Variants in EFEMP2 observed in about 807,000 individuals in gnomAD.
The protein encoded by EFEMP2 is EGF-like fibulin extracellular matrix protein 2, also known as EGF-containing fibulin-like extracellular matrix protein 2.
Under a neutral mutation model 55.3 loss-of-function variants are expected in EFEMP2, and 21 were observed. The ratio of observed to expected loss-of-function variants is 0.38; its 90% CI spans 0.27 to 0.55. The LOEUF is 0.55. Among genes scored for constraint, EFEMP2 ranks in the 20% least tolerant of loss-of-function variants. EFEMP2 has a pLI of 0.77. For missense variants in EFEMP2, 513 were observed against 615.1 expected (o/e 0.83, Z 1.76); for synonymous variants, 275 against 242.3 (o/e 1.14, Z -1.25).
chr11:65,871,063 G>A (rs1308430982), intron 4 of EFEMP2, 94 bp downstream of exon 4: 2 of 1,416,196 alleles, frequency 1.4e-6, no homozygotes, highest in Non-Finnish European at 2.0e-6. Context: ...GACATCACCA[G>A]TGGCCCTTTT....
rs138210467 is a variant in EFEMP2 at position 65,867,970 on chromosome 11, C to T, written c.1061G>A (p.Arg354Gln). The change falls in exon 10 of 11, where the codon CGG becomes CAG. Residue 354 changes from arginine to glutamine, a missense_variant. Coordinates refer to ENST00000307998, the MANE Select transcript of EFEMP2 (RefSeq NM_016938.5). ...VHRYMTITSE[R>Q]SVPADVFQIQ... is the part of the protein sequence containing the mutation. ...CTGGAACACGTCAGCGGGCACGCTC[C>T]GCTCCGAGGTGATGGTCATGTAGCG... 15 of 1,613,980 alleles carry T rather than the reference C, an allele frequency of 9.3e-6. No homozygotes were observed. Among genetic ancestry groups the T allele is most frequent in the Admixed American group, 1.7e-5 (1 of 60,010 alleles).
At position 65,871,394 on chromosome 11, in the gene EFEMP2, G is replaced by A. The variant is rs2234460; in HGVS notation, c.161-31C>T. On this transcript the variant is annotated intron_variant, in intron 3 of 10. Transcript: ENST00000307998. ...GAGAGGGGCCTGCTGGGCACAGCCA[G>A]TCTCCTGGGCTGGCCCTGGAGGGAG... 1,161 of 1,609,404 alleles carry A rather than the reference G, an allele frequency of 7.2e-4. 6 individuals carry two copies. In the African/African-American group the frequency reaches 0.014, roughly 19 times the overall value.
At chr11:65,869,731 G>A (rs2134749883) in intron 7 of EFEMP2, 126 bp downstream of exon 7, 2 of 1,469,502 alleles carry the variant, frequency 1.4e-6, no homozygotes, top group Admixed American at 3.4e-5. Context: ...CGAGTACCCA[G>A]GAGGCAGCTG....
At chr11:65,870,781 A>G in intron 4 of EFEMP2, 123 bp from the exon 5 acceptor site, 2 of 1,467,520 alleles carry the variant, frequency 1.4e-6, no homozygotes, top group Non-Finnish European at 1.9e-6. Flanking sequence ...GCCTGGAGCC[A>G]TCAGGAAAGG....
In EFEMP2 at chr11:65,872,748, G is replaced by A. The variant is rs1311379981; in HGVS notation, c.-73C>T. The A allele has an allele frequency of 3.0e-6, 1 of 333,520 alleles. No homozygotes were observed. Among genetic ancestry groups the A allele is most frequent in the Non-Finnish European group, 6.1e-6 (1 of 162,858 alleles). 20.7% of individuals were successfully genotyped at this position (333,520 alleles called of 1,614,324 possible). The stretch of plus-strand genomic sequence containing the variant: ...TCGGCTGGCTCGGGCAATGCCTGCG[G>A]GCAGACGGACGGGCGGACGGCACAG... On this transcript the variant is annotated 5_prime_UTR_variant, in exon 1 of 11. Coordinates refer to ENST00000307998, the MANE Select transcript of EFEMP2 (RefSeq NM_016938.5).
intron 3 of EFEMP2, 154 bp downstream of exon 3, chr11:65,871,816 G>C: frequency 1.0e-6 from 1 of 969,138 alleles, no homozygotes; most frequent in South Asian, 1.4e-5. Context: ...CTGGCCTCCA[G>C]AGAGCCAGAG....
In EFEMP2 at chr11:65,870,103, G is replaced by T. The variant is rs571631117; in HGVS notation, c.607+18C>A. The T allele has an allele frequency of 9.9e-6, 16 of 1,613,426 alleles. No homozygotes were observed. Among genetic ancestry groups the T allele is most frequent in the Non-Finnish European group, 1.1e-5 (13 of 1,179,820 alleles). On this transcript the variant is annotated intron_variant, in intron 6 of 10. Transcript: ENST00000307998. ...CTCCCTGCCCAGGACCCAGGAGCCT[G>T]GCCCAGCCCAGCCTCACCAACACAG...
rs1413323795 is a variant in EFEMP2 at position 65,869,917 on chromosome 11, T to A, written c.667A>T (p.Thr223Ser). 3 of 1,613,812 alleles carry A rather than the reference T, an allele frequency of 1.9e-6. No individual in the cohort carries two copies. The highest frequency in any genetic ancestry group is 2.5e-6 in the Non-Finnish European group (3 of 1,179,992). ...CCCTGGTGGCAGCGACACAGGAAGGTCCCATAGGAGTTGAAGCAGCGCTGC... is the reference window on the plus strand; with the variant it reads ...CCCTGGTGGCAGCGACACAGGAAGGACCCATAGGAGTTGAAGCAGCGCTGC... ...CEQRCFNSYG[T>S]FLCRCHQGYE... Residue 223 changes from threonine (T) to serine (S), a missense_variant, in exon 7 of 11, where the codon ACC becomes TCC. Coordinates refer to ENST00000307998, the MANE Select transcript of EFEMP2 (RefSeq NM_016938.5).
At position 65,871,376 on chromosome 11, in the gene EFEMP2, G is replaced by A. The variant is rs771655821; in HGVS notation, c.161-13C>T. On this transcript the variant is annotated splice_polypyrimidine_tract_variant and intron_variant, in intron 3 of 10. Coordinates refer to ENST00000307998, the MANE Select transcript of EFEMP2 (RefSeq NM_016938.5). The stretch of plus-strand genomic sequence containing the variant: ...CACTCGTTGACATCTGCAGAGAGGG[G>A]CCTGCTGGGCACAGCCAGTCTCCTG... 1.1e-5 allele frequency: 17 copies of A among 1,613,456 alleles called. No individual in the cohort carries two copies. The highest frequency in any genetic ancestry group is 8.0e-5 in the African/African-American group (6 of 74,944).
chr11:65,870,327 C>A, intron 5 of EFEMP2, 90 bp from the exon 6 acceptor site: 1 of 1,449,474 alleles, frequency 6.9e-7, no homozygotes, highest in Non-Finnish European at 9.7e-7. Flanking sequence ...CTTCACCACC[C>A]ATAATCCTGT....
chr11:65,868,605 C>G lies in EFEMP2; in HGVS notation c.752G>C (p.Ser251Thr), dbSNP rs372722886. ...GATGCAGCGGTACTGACAGAGGTAG[C>G]TGGAGTAGCTACACTCATCAATATC... ...CSDIDECSYS[S>T]YLCQYRCINE... is the part of the protein sequence containing the mutation. Residue 251 changes from serine to threonine, a missense_variant, in exon 8 of 11, where the codon AGC (serine) becomes ACC (threonine). Transcript: ENST00000307998. 1 of 1,613,804 alleles carries G rather than the reference C, an allele frequency of 6.2e-7. No homozygotes were observed. The highest frequency in any genetic ancestry group is 1.3e-5 in the African/African-American group (1 of 74,920).
intron 7 of EFEMP2, chr11:65,869,096 A>G (rs1859918406): frequency 3.7e-6 from 1 of 273,432 alleles, no homozygotes; most frequent in East Asian, 9.9e-5. Flanking sequence ...TCATGCTGCC[A>G]GGTAGCAGTG....
chr11:65,868,351 G>T lies in EFEMP2; in HGVS notation c.918C>A (p.Gly306=), dbSNP rs564554534. 5.0e-6 allele frequency: 8 copies of T among 1,613,886 alleles called. No homozygotes were observed. The East Asian group carries it at 1.6e-4, about 31-fold the overall frequency. The change falls in exon 9 of 11, where the codon GGC becomes GGA. Residue 306 remains glycine (G), a synonymous_variant. Transcript: ENST00000307998. ...EAQTCVNFHG[G]YRCVDTNRCV... Reference sequence around the variant, plus strand: ...AGCGGTTGGTGTCCACGCAGCGGTAGCCCCCATGGAAGTTGACACAGGTTT... The same window carrying T: ...AGCGGTTGGTGTCCACGCAGCGGTATCCCCCATGGAAGTTGACACAGGTTT...
At chr11:65,869,615 G>A in intron 7 of EFEMP2, 1 of 574,680 alleles carries the variant, frequency 1.7e-6, no homozygotes, top group Non-Finnish European at 3.1e-6. Context: ...TGTGGGACAG[G>A]TGGCACCCAC....
At chr11:65,871,739 C>T in intron 3 of EFEMP2, 1 of 617,344 alleles carries the variant, frequency 1.6e-6, no homozygotes, top group Admixed American at 2.7e-5. Flanking sequence ...CAGGATCCAG[C>T]TCCTCTGAGG....
intron 4 of EFEMP2, 123 bp downstream of exon 4, chr11:65,871,034 G>A (rs1859955633): frequency 8.3e-7 from 1 of 1,203,422 alleles, no homozygotes; most frequent in Non-Finnish European, 1.2e-6. Context: ...AACAACATGA[G>A]TGTCTGGATG....
In EFEMP2 at chr11:65,867,945, C is replaced by T. The variant is rs1859887699; in HGVS notation, c.1086G>A (p.Gln362=). The change falls in exon 10 of 11, where the codon CAG becomes CAA. Residue 362 remains glutamine, a synonymous_variant. Transcript: ENST00000307998. The part of the protein sequence containing the change: ...SERSVPADVF[Q]IQATSVYPGA... ...CGGGGTAGACGGAGGTCGCCTGGAT[C>T]TGGAACACGTCAGCGGGCACGCTCC... 1 of 1,613,986 alleles carries T rather than the reference C, an allele frequency of 6.2e-7. No individual in the cohort carries two copies. Among genetic ancestry groups the T allele is most frequent in the Admixed American group, 1.7e-5 (1 of 59,998 alleles).
At chr11:65,868,898 C>T (rs1434925959) in intron 7 of EFEMP2, 1 of 484,158 alleles carries the variant, frequency 2.1e-6, no homozygotes, top group Non-Finnish European at 3.8e-6. Context: ...TGAATCCCAC[C>T]AGCTGATCTA....
chr11:65,871,262 T>C lies in EFEMP2; in HGVS notation c.262A>G (p.Ile88Val). 1 of 1,613,950 alleles carries C rather than the reference T, an allele frequency of 6.2e-7. No individual in the cohort carries two copies. Residue 88 changes from isoleucine to valine, a missense_variant, in exon 4 of 11, where the codon ATC becomes GTC. Coordinates refer to ENST00000307998, the MANE Select transcript of EFEMP2 (RefSeq NM_016938.5). ...GGTCCCTCGCCGTGTAGGTCGTTGATGACGGCAGCGGAGCGGGGCAGGCAC... is the reference window on the plus strand; with the variant it reads ...GGTCCCTCGCCGTGTAGGTCGTTGACGACGGCAGCGGAGCGGGGCAGGCAC... ...YLCLPRSAAVINDLHGEGPPP... is the reference protein window; with the variant it reads ...YLCLPRSAAVVNDLHGEGPPP...
Sources: allele counts gnomAD v4.1 joint callset, GRCh38; gene constraint gnomAD v4.1.1; transcripts MANE v1.5; gene names NCBI Gene and HGNC (gene_info 2026-07-23, HGNC 2026-07-21).